Variants in AKT2 observed in about 807,000 individuals in gnomAD.
AKT2 encodes RAC-beta serine/threonine-protein kinase.
In AKT2, 16 loss-of-function variants were observed where a neutral mutation model predicts 58.6. That is an observed-to-expected ratio of 0.27 (90% CI 0.18 to 0.41). The LOEUF (loss-of-function observed/expected upper bound fraction) is 0.41, where lower values mean the gene tolerates loss of function less well. AKT2 is among the 10% of genes least tolerant of loss of function. The pLI is 1.00. For missense variants in AKT2, 438 were observed against 661.0 expected, an observed-to-expected ratio of 0.66 and a Z score of 3.70; for synonymous variants, 253 against 254.0, an observed-to-expected ratio of 1.00 and a Z score of 0.04.
chr19:40,241,644 C>T (rs1974413223), intron 6 of AKT2: 6 of 456,346 alleles, frequency 1.3e-5, no homozygotes, highest in East Asian at 1.3e-4. Flanking sequence ...CCAACAGCGA[C>T]GTCCTCCCCA....
chr19:40,236,559 C>T lies in AKT2; in HGVS notation c.832-174G>A, dbSNP rs1974041690. 4.8e-6 allele frequency: 4 copies of T among 826,434 alleles called. No homozygotes were observed. The East Asian group carries it at 1.1e-4, about 22-fold the overall frequency. 51.2% of individuals were successfully genotyped at this position (826,434 alleles called of 1,614,324 possible). On this transcript the variant is annotated intron_variant, in intron 9 of 13. Coordinates refer to ENST00000392038, the MANE Select transcript of AKT2 (RefSeq NM_001626.6). ...GGCTCAGAGAGAGGCCAGATCCAAC[C>T]CTCCTCACCCTCTGGCCCACCCCCA...
chr19:40,234,048 T>C lies in AKT2; in HGVS notation c.1367-97A>G. 11 of 1,250,658 alleles carry C rather than the reference T, an allele frequency of 8.8e-6. No homozygotes were observed. Among genetic ancestry groups the C allele is most frequent in the South Asian group, 3.9e-5 (3 of 76,538 alleles). The allele number at this position is 1,250,658 out of a possible 1,614,324, so 77.5% of individuals were successfully genotyped here. On this transcript the variant is annotated intron_variant, in intron 13 of 13. Coordinates refer to ENST00000392038, the MANE Select transcript of AKT2 (RefSeq NM_001626.6). This position sits in a 1 kb window ranked among gnomAD's most constrained non-coding sequence, Gnocchi z 4.7. ...GGAAACGGCCCCAGCTGGCGGGGGC[T>C]GCCCACAGGACAGGACAGGAAAGGC...
At chr19:40,256,047 C>T (rs1171991030) in intron 3 of AKT2, among the ~76,000 whole-genome samples, 1 of 152,114 alleles carries the variant, frequency 6.6e-6, no homozygotes, top group Non-Finnish European at 1.5e-5. Context: ...AGGAATAGAG[C>T]TGGGAGAGGC....
intron 1 of AKT2, chr19:40,282,429 TTC>T (rs1157909809): frequency 6.5e-6 from 3 of 463,084 alleles, no homozygotes; most frequent in African/African-American, 4.0e-5. Context: ...TGCTGTCTTC[TTC>T]TCCCAGCACA....
At chr19:40,259,294 T>G (rs1975771735) in intron 2 of AKT2, among the ~76,000 whole-genome samples, 1 of 148,548 alleles carries the variant, frequency 6.7e-6, no homozygotes, top group South Asian at 2.1e-4. Context: ...ATAGGCAATG[T>G]GCCCAGAGTA....
intron 2 of AKT2, among the ~76,000 whole-genome samples, chr19:40,260,830 C>T (rs1975895522): frequency 6.6e-6 from 1 of 152,062 alleles, no homozygotes; most frequent in Non-Finnish European, 1.5e-5. Flanking sequence ...TGCCTGTAGT[C>T]CCAGCTACTC....
chr19:40,234,700 C>T lies in AKT2; in HGVS notation c.1366+345G>A. On this transcript the variant is annotated intron_variant, in intron 13 of 13. Transcript: ENST00000392038. This position sits in a 1 kb window ranked among gnomAD's most constrained non-coding sequence, Gnocchi z 4.7. ...TTTCCAGGGCAGGGCCCAGGGCTGG[C>T]TCAATCAGTGCTGTGTCCCCAGCAT... 4 of 590,914 alleles carry T rather than the reference C, an allele frequency of 6.8e-6. No homozygotes were observed. The Admixed American group carries it at 9.1e-5, about 13-fold the overall frequency. 36.6% of individuals were successfully genotyped at this position (590,914 alleles called of 1,614,324 possible).
In AKT2 at chr19:40,237,706, G is replaced by A. The variant is rs553586301; in HGVS notation, c.831+263C>T. On this transcript the variant is annotated intron_variant, in intron 9 of 13. Coordinates refer to ENST00000392038, the MANE Select transcript of AKT2 (RefSeq NM_001626.6). The surrounding 1 kb of genome is among the most constrained non-coding windows in gnomAD (Gnocchi z 4.5). ...GACACTCCGCTAGTGGCCTAGGAGC[G>A]CTCATGGGAGGCTTGGGAAGGTCCC... is the stretch of plus-strand genomic sequence containing the variant. 8.5e-5 allele frequency: 41 copies of A among 484,124 alleles called. No homozygotes were observed. The highest frequency in any genetic ancestry group is 6.5e-4 in the South Asian group (32 of 49,430). 30.0% of individuals were successfully genotyped at this position (484,124 alleles called of 1,614,324 possible). A position where few individuals can be genotyped will look rare whatever the true frequency, so the allele number is the denominator to read the frequency against.
In AKT2 at chr19:40,231,678, G is replaced by A. The variant is rs563096363; in HGVS notation, c.*2194C>T. On this transcript the variant is annotated 3_prime_UTR_variant, in exon 14 of 14. Transcript: ENST00000392038. The stretch of plus-strand genomic sequence containing the variant: ...CCTTGCTGGGGGAGGTGTTCCATCC[G>A]GCCAGCGCCCGGCCATGCAGCCACG... 5.1e-5 allele frequency: 12 copies of A among 233,490 alleles called. No individual in the cohort carries two copies. In the South Asian group the frequency reaches 1.6e-3, roughly 32 times the overall value. 14.5% of individuals were successfully genotyped at this position (233,490 alleles called of 1,614,324 possible).
At chr19:40,256,356 T>C (rs1045185327) in intron 3 of AKT2, among the ~76,000 whole-genome samples, 2 of 152,020 alleles carry the variant, frequency 1.3e-5, no homozygotes, top group African/African-American at 2.4e-5. Context: ...CAACAGGACA[T>C]GGTGACCCAT....
intron 4 of AKT2, among the ~76,000 whole-genome samples, chr19:40,248,337 G>C (rs1974893283): frequency 6.6e-6 from 1 of 152,236 alleles, no homozygotes; most frequent in Non-Finnish European, 1.5e-5. Flanking sequence ...GAGCATTTCT[G>C]TGCACCAGGC....
chr19:40,233,906 G>A lies in AKT2; in HGVS notation c.1412C>T (p.Pro471Leu). ...LLELDQRTHF[P>L]QFSYSASIRE ...GATGCTGGCCGAGTAGGAGAACTGG[G>A]GGAAGTGGGTCCGCTGGTCCAGCTC... is the stretch of plus-strand genomic sequence containing the variant. Residue 471 changes from proline (P) to leucine (L), a missense_variant, in exon 14 of 14, where the codon CCC (proline) becomes CTC (leucine). Around this residue, in one of 3 missense-constraint regions of AKT2, gnomAD observed 148 missense variants for 199.5 expected, o/e 0.74. Coordinates refer to ENST00000392038, the MANE Select transcript of AKT2 (RefSeq NM_001626.6). The surrounding 1 kb of genome is among the most constrained non-coding windows in gnomAD (Gnocchi z 4.3). 1 of 1,612,050 alleles carries A rather than the reference G, an allele frequency of 6.2e-7. No homozygotes were observed. The highest frequency in any genetic ancestry group is 8.5e-7 in the Non-Finnish European group (1 of 1,179,890).
At chr19:40,249,678 T>C (rs1975005004) in intron 4 of AKT2, among the ~76,000 whole-genome samples, 1 of 152,260 alleles carries the variant, frequency 6.6e-6, no homozygotes, top group South Asian at 2.1e-4. Flanking sequence ...GCACAGATAG[T>C]CTGCCTTGTG....
rs769503941 is a variant in AKT2, at chr19:40,242,657, G to C, written c.318C>G (p.Val106=). ...REEWMRAIQM[V]ANSLKQRAPG... ...GGGCCCGCTGCTTGAGGCTGTTGGCGACCATCTGGATGGCCCGCATCCACT... is the reference window on the plus strand; with the variant it reads ...GGGCCCGCTGCTTGAGGCTGTTGGCCACCATCTGGATGGCCCGCATCCACT... The change falls in exon 5 of 14, where the codon GTC becomes GTG. Residue 106 remains valine, a synonymous_variant. Coordinates refer to ENST00000392038, the MANE Select transcript of AKT2 (RefSeq NM_001626.6). This position sits in a 1 kb window ranked among gnomAD's most constrained non-coding sequence, Gnocchi z 4.3. 6.2e-6 allele frequency: 10 copies of C among 1,612,380 alleles called. No individual in the cohort carries two copies. The African/African-American group carries it at 1.2e-4, about 19-fold the overall frequency.
chr19:40,283,746 T>C (rs921673823), intron 1 of AKT2, among the ~76,000 whole-genome samples: 4 of 152,172 alleles, frequency 2.6e-5, no homozygotes, highest in African/African-American at 4.8e-5. Flanking sequence ...GGGATCTGAC[T>C]GTCCCAAGCC....
At chr19:40,239,809 T>C (rs1599967462) in intron 7 of AKT2, 6 of 691,540 alleles carry the variant, frequency 8.7e-6, no homozygotes, top group Middle Eastern at 2.3e-4. Flanking sequence ...TTCAGTTAGT[T>C]CAAATGCTTA....
Position 40,232,388 on chromosome 19 carries a change from A to G in AKT2, c.*1484T>C, listed in dbSNP as rs1343756959. ...CGTACAAATATGAAGACGAGGAGAA[A>G]GGCCAGTAGGGACGGAGAACTGTCA... On this transcript the variant is annotated 3_prime_UTR_variant, in exon 14 of 14. Transcript: ENST00000392038. The G allele has an allele frequency of 8.6e-6, 2 of 233,576 alleles. No homozygotes were observed. Among genetic ancestry groups the G allele is most frequent in the Non-Finnish European group, 1.7e-5 (2 of 118,088 alleles). 14.5% of individuals were successfully genotyped at this position (233,576 alleles called of 1,614,324 possible).
chr19:40,263,237 TCCGCACGTGCAGG>T (rs1361301396), intron 2 of AKT2, among the ~76,000 whole-genome samples: 8 of 152,182 alleles, frequency 5.3e-5, no homozygotes, highest in Non-Finnish European at 1.2e-4. Flanking sequence ...AGCCATGGCC[TCCGCACGTGCAGG>T]CCACGGGACA....
intron 1 of AKT2, chr19:40,282,138 A>G: frequency 4.8e-6 from 1 of 208,812 alleles, no homozygotes; most frequent in Non-Finnish European, 9.9e-6. Context: ...GGAATGCTCG[A>G]GGGGACCAAA....
Sources: allele counts gnomAD v4.1 joint callset (sites outside exome capture counted in the v4.1 genomes callset), GRCh38; gene constraint gnomAD v4.1.1; regional missense constraint gnomAD v4.1.1; non-coding constraint Gnocchi (gnomAD v3.1); transcripts MANE v1.5; gene names NCBI Gene and HGNC (gene_info 2026-07-23, HGNC 2026-07-21).